The following FGF10 variants were observed in gnomAD, a reference collection of about 807,000 sequenced individuals.
The protein encoded by FGF10 is FGF-10.
A neutral mutation model predicts 19.8 loss-of-function variants in FGF10; 2 were observed. The ratio of observed to expected loss-of-function variants is 0.10; its 90% CI spans 0.04 to 0.32. The LOEUF (loss-of-function observed/expected upper bound fraction) is 0.32. Among genes scored for constraint, FGF10 ranks in the 10% least tolerant of loss-of-function variants. The pLI is 1.00. For synonymous variants in FGF10, 112 were observed against 94.0 expected (o/e 1.19, Z -1.10); for missense variants, 191 against 246.3 (o/e 0.78, Z 1.50).
intron 1 of FGF10, among the ~76,000 whole-genome samples, chr5:44,352,709 T>C (rs1272777359): frequency 1.3e-5 from 2 of 151,572 alleles, no homozygotes; most frequent in African/African-American, 2.4e-5. Flanking sequence ...AGAGAACCTT[T>C]CAATTTAGAA....
At chr5:44,347,297 T>G (rs1449853717) in intron 1 of FGF10, among the ~76,000 whole-genome samples, 1 of 151,718 alleles carries the variant, frequency 6.6e-6, no homozygotes, top group Non-Finnish European at 1.5e-5. Context: ...GTGATCACTC[T>G]GAGTTACATA....
At chr5:44,335,230 C>A (rs1740819962) in intron 1 of FGF10, among the ~76,000 whole-genome samples, 1 of 151,986 alleles carries the variant, frequency 6.6e-6, no homozygotes, top group African/African-American at 2.4e-5. Flanking sequence ...GATCACTCAC[C>A]AAGAGGCATT....
At chr5:44,385,829 C>T (rs571654490) in intron 1 of FGF10, among the ~76,000 whole-genome samples, 5 of 152,118 alleles carry the variant, frequency 3.3e-5, no homozygotes, top group East Asian at 1.9e-4. Flanking sequence ...AGCTGGAAAT[C>T]GTAGCAGCAT....
rs1185187838 is a variant in FGF10, at chr5:44,381,281, T to C, written c.325+7077A>G. Among the ~76,000 whole-genome samples, 3 of 151,842 alleles carry C rather than the reference T, an allele frequency of 2.0e-5. No individual in the cohort carries two copies. In the East Asian group the frequency reaches 5.8e-4, roughly 29 times the overall value. On this transcript the variant is annotated intron_variant, in intron 1 of 2. Transcript: ENST00000264664. ...AAATGAGAAGACGGTCCTGATGGAG[T>C]ATATTGAATTTACACCATTGAAGAT... is the stretch of plus-strand genomic sequence containing the variant.
intron 1 of FGF10, among the ~76,000 whole-genome samples, chr5:44,345,932 A>G (rs570714301): frequency 3.3e-5 from 5 of 151,976 alleles, no homozygotes; most frequent in Non-Finnish European, 7.4e-5. Flanking sequence ...CTCCACAGGC[A>G]CTTCTGTTTC....
At chr5:44,342,363 C>T (rs929381156) in intron 1 of FGF10, among the ~76,000 whole-genome samples, 4 of 151,920 alleles carry the variant, frequency 2.6e-5, no homozygotes, top group Non-Finnish European at 4.4e-5. Context: ...AAGGACAAAA[C>T]AATTTGTGAA....
At chr5:44,388,305 T>C in intron 1 of FGF10, 53 bp downstream of exon 1, 1 of 1,519,062 alleles carries the variant, frequency 6.6e-7, no homozygotes, top group Non-Finnish European at 9.1e-7. Flanking sequence ...TTCCCCCCCG[T>C]GTGGGCTGGG....
chr5:44,344,542 A>T (rs1741039809), intron 1 of FGF10, among the ~76,000 whole-genome samples: 1 of 120,520 alleles, frequency 8.3e-6, no homozygotes, highest in African/African-American at 3.0e-5. Flanking sequence ...CTTTACCAAA[A>T]TTAGGGTTTT....
At chr5:44,323,428 T>C (rs976707849) in intron 1 of FGF10, among the ~76,000 whole-genome samples, 1 of 152,188 alleles carries the variant, frequency 6.6e-6, no homozygotes. Context: ...TCTGACATTA[T>C]AGTACAGATA....
At chr5:44,385,319 A>AGACTACAT (rs1295199371) in intron 1 of FGF10, among the ~76,000 whole-genome samples, 1 of 152,158 alleles carries the variant, frequency 6.6e-6, no homozygotes, top group Non-Finnish European at 1.5e-5. Flanking sequence ...TAACGCATGT[A>AGACTACAT]GTCTTTTTAG....
chr5:44,360,130 T>A (rs1312103881), intron 1 of FGF10, among the ~76,000 whole-genome samples: 1 of 151,578 alleles, frequency 6.6e-6, no homozygotes, highest in Non-Finnish European at 1.5e-5. Flanking sequence ...TATGACTTCA[T>A]GGAATAGCTT....
intron 1 of FGF10, among the ~76,000 whole-genome samples, chr5:44,386,704 T>G (rs913395218): frequency 6.6e-6 from 1 of 152,182 alleles, no homozygotes; most frequent in African/African-American, 2.4e-5. Context: ...TTAATATCTT[T>G]AGTATGAAAC....
intron 1 of FGF10, among the ~76,000 whole-genome samples, chr5:44,362,773 G>C (rs1437765985): frequency 6.6e-6 from 1 of 150,956 alleles, no homozygotes; most frequent in Non-Finnish European, 1.5e-5. Context: ...ATTTCCTCTT[G>C]GAGAAATTTG....
At chr5:44,332,362 AT>A (rs1466559098) in intron 1 of FGF10, among the ~76,000 whole-genome samples, 1 of 152,136 alleles carries the variant, frequency 6.6e-6, no homozygotes, top group Non-Finnish European at 1.5e-5. Context: ...TTGGCACCTG[AT>A]TTTATACTAT....
chr5:44,348,974 G>A (rs1355262767), intron 1 of FGF10, among the ~76,000 whole-genome samples: 1 of 151,472 alleles, frequency 6.6e-6, no homozygotes, highest in Non-Finnish European at 1.5e-5. Context: ...GTTGCATGGT[G>A]AACCAGGGTT....
chr5:44,359,291 GA>G (rs1262471402), intron 1 of FGF10, among the ~76,000 whole-genome samples: 1 of 151,448 alleles, frequency 6.6e-6, no homozygotes, highest in East Asian at 1.9e-4. Context: ...GGCACACAGG[GA>G]ATGGGATAGC....
At chr5:44,335,575 T>C (rs990108569) in intron 1 of FGF10, among the ~76,000 whole-genome samples, 3 of 152,150 alleles carry the variant, frequency 2.0e-5, no homozygotes, top group African/African-American at 7.2e-5. Context: ...CTGAGTGTTA[T>C]TAAGAAAGGC....
chr5:44,305,308 C>T, intron 2 of FGF10, 116 bp from the exon 3 acceptor site: 1 of 859,650 alleles, frequency 1.2e-6, no homozygotes. Flanking sequence ...CCATTTGTAC[C>T]TAAGTTGTGC....
intron 1 of FGF10, among the ~76,000 whole-genome samples, chr5:44,334,077 G>A (rs897601502): frequency 6.6e-6 from 1 of 151,998 alleles, no homozygotes; most frequent in Non-Finnish European, 1.5e-5. Flanking sequence ...ACTAGGAGGG[G>A]CATCATTTCC....
Sources: allele counts gnomAD v4.1 joint callset (sites outside exome capture counted in the v4.1 genomes callset), GRCh38; gene constraint gnomAD v4.1.1; transcripts MANE v1.5; gene names NCBI Gene and HGNC (gene_info 2026-07-23, HGNC 2026-07-21).